Variants in CLASP1 observed in about 807,000 individuals in gnomAD.
CLASP1 encodes the protein cytoplasmic linker associated protein 1.
In CLASP1, 38 loss-of-function variants were observed where a neutral mutation model predicts 192.3. That is an observed-to-expected ratio of 0.20 (90% confidence interval 0.15 to 0.26). The LOEUF (loss-of-function observed/expected upper bound fraction) is 0.26. Ranked by LOEUF, CLASP1 falls within the 10% of genes least tolerant of loss-of-function variation. The pLI is 1.00. For synonymous variants in CLASP1, 691 were observed against 712.8 expected (o/e 0.97, Z 0.49); for missense variants, 1,433 against 1,932.5 (o/e 0.74, Z 4.85).
At chr2:121,411,360 T>C (rs925462551) in intron 23 of CLASP1, among the ~76,000 whole-genome samples, 1 of 152,258 alleles carries the variant, frequency 6.6e-6, no homozygotes, top group Non-Finnish European at 1.5e-5. Flanking sequence ...ATAAGAGTTC[T>C]AATGCAATGT....
intron 7 of CLASP1, among the ~76,000 whole-genome samples, chr2:121,508,998 G>A (rs72969359): frequency 1.4e-3 from 208 of 152,242 alleles, no homozygotes; most frequent in African/African-American, 4.7e-3. Flanking sequence ...GAAGCAAAAA[G>A]TGACAACTGA....
chr2:121,503,157 T>C lies in CLASP1; in HGVS notation c.712+10A>G. ...AAAAAGCAAAAGTAGGGATTGCTTT[T>C]TCTACTCACCATTTGCAGATTGTAT... is the stretch of plus-strand genomic sequence containing the variant. On this transcript the variant is annotated intron_variant, in intron 8 of 39. Transcript: ENST00000263710. 6.5e-7 allele frequency: 1 copy of C among 1,537,114 alleles called. No individual in the cohort carries two copies. The highest frequency in any genetic ancestry group is 1.4e-5 in the African/African-American group (1 of 72,834).
intron 8 of CLASP1, among the ~76,000 whole-genome samples, chr2:121,490,606 CAAATCT>C (rs1161800887): frequency 6.6e-6 from 1 of 152,094 alleles, no homozygotes; most frequent in Non-Finnish European, 1.5e-5. Flanking sequence ...ATTCCTAACA[CAAATCT>C]TAAAAAGAAA....
intron 2 of CLASP1, among the ~76,000 whole-genome samples, chr2:121,531,328 G>A (rs2094865425): frequency 7.2e-5 from 11 of 152,182 alleles, no homozygotes; most frequent in Admixed American, 7.2e-4. Flanking sequence ...GGGCGCGGTG[G>A]CTCACGCCTG....
At chr2:121,594,803 T>A (rs1169397000) in intron 2 of CLASP1, among the ~76,000 whole-genome samples, 1 of 152,174 alleles carries the variant, frequency 6.6e-6, no homozygotes, top group Non-Finnish European at 1.5e-5. Flanking sequence ...AAGCACTGTG[T>A]CTACTACTCT....
At chr2:121,398,989 T>C (rs2075743340) in intron 28 of CLASP1, among the ~76,000 whole-genome samples, 1 of 152,206 alleles carries the variant, frequency 6.6e-6, no homozygotes, top group African/African-American at 2.4e-5. Flanking sequence ...CTCTTTCTGT[T>C]AAAATGCTGT....
intron 2 of CLASP1, among the ~76,000 whole-genome samples, chr2:121,539,004 T>A (rs912901710): frequency 2.6e-5 from 4 of 152,200 alleles, no homozygotes; most frequent in South Asian, 2.1e-4. Context: ...TAACAATTTT[T>A]AAAATTTTTT....
intron 37 of CLASP1, among the ~76,000 whole-genome samples, chr2:121,353,919 T>C (rs1332635239): frequency 1.3e-5 from 2 of 152,088 alleles, no homozygotes; most frequent in Non-Finnish European, 2.9e-5. Flanking sequence ...GCCTCCCAAG[T>C]AGGTGGGATT....
chr2:121,377,752 T>C lies in CLASP1; in HGVS notation c.3492-103A>G, dbSNP rs903518149. The C allele has an allele frequency of 2.0e-5, 16 of 810,250 alleles. No homozygotes were observed. In the South Asian group the frequency reaches 3.8e-4, roughly 19 times the overall value. 50.2% of individuals were successfully genotyped at this position (810,250 alleles called of 1,614,324 possible). A position where few individuals can be genotyped will look rare whatever the true frequency, so the allele number is the denominator to read the frequency against. On this transcript the variant is annotated intron_variant, in intron 33 of 39. Coordinates refer to ENST00000263710, the Ensembl canonical transcript of CLASP1. ...CAATTTAAAGAATAAGACATATTTA[T>C]AGTTTTGTTTATTGGGTGATTTGGA...
chr2:121,458,689 GA>G, intron 13 of CLASP1, 150 bp downstream of exon 13: 1 of 542,538 alleles, frequency 1.8e-6, no homozygotes, highest in Non-Finnish European at 3.0e-6. Flanking sequence ...TAAGTAGGGG[GA>G]AAAGATGATA....
intron 2 of CLASP1, among the ~76,000 whole-genome samples, chr2:121,581,557 A>G (rs1215130568): frequency 1.3e-5 from 2 of 151,958 alleles, no homozygotes; most frequent in African/African-American, 4.8e-5. Flanking sequence ...TACAGGCATG[A>G]GCCACCGCGC....
intron 23 of CLASP1, among the ~76,000 whole-genome samples, chr2:121,415,559 T>C (rs1238542340): frequency 6.6e-6 from 1 of 152,224 alleles, no homozygotes; most frequent in African/African-American, 2.4e-5. Flanking sequence ...GAAATAATTA[T>C]GAAATAAAGA....
chr2:121,442,710 C>T (rs1327261541), intron 19 of CLASP1, among the ~76,000 whole-genome samples: 1 of 152,092 alleles, frequency 6.6e-6, no homozygotes, highest in African/African-American at 2.4e-5. Flanking sequence ...GAACTCCTGA[C>T]CTCAGGTGAT....
intron 2 of CLASP1, among the ~76,000 whole-genome samples, chr2:121,558,410 AT>A (rs1461060578): frequency 2.0e-5 from 3 of 152,338 alleles, no homozygotes; most frequent in African/African-American, 7.2e-5. Context: ...CACGTTATAA[AT>A]TTAATCTACA....
chr2:121,632,986 GTA>G lies in CLASP1; in HGVS notation c.-286+16384_-286+16385del, dbSNP rs1164858706. On this transcript the variant is annotated intron_variant, in intron 1 of 39. Transcript: ENST00000263710. ...GGGAGGTGTGTGTGTGTGTGTGTGT[GTA>G]TATATATGTATGTGTGTGCATATAT... Among the ~76,000 whole-genome samples, 86 of 125,118 alleles carry G rather than the reference GTA, an allele frequency of 6.9e-4. 1 individual carries two copies. Among genetic ancestry groups the G allele is most frequent in the African/African-American group, 2.3e-3 (62 of 26,524 alleles). 82.1% of individuals were successfully genotyped at this position (125,118 alleles called of 152,430 possible).
At chr2:121,377,215 A>C (rs1381549183) in intron 34 of CLASP1, among the ~76,000 whole-genome samples, 1 of 152,194 alleles carries the variant, frequency 6.6e-6, no homozygotes, top group Non-Finnish European at 1.5e-5. Flanking sequence ...AGAAGAGAGA[A>C]TTTTTCAATG....
At chr2:121,483,435 A>G (rs2150097219) in intron 8 of CLASP1, among the ~76,000 whole-genome samples, 1 of 152,184 alleles carries the variant, frequency 6.6e-6, no homozygotes, top group Non-Finnish European at 1.5e-5. Flanking sequence ...AGAGAGAGAA[A>G]GAGGGAGAAT....
rs181115564 is a variant in CLASP1, at chr2:121,574,713, C to T, written c.195+30988G>A. ...CAGCACTTTGGGAGGCCGAGGCAGG[C>T]GGATCACAAGGTCAGGAGTTCAAGA... On this transcript the variant is annotated intron_variant, in intron 2 of 39. Coordinates refer to ENST00000263710, the Ensembl canonical transcript of CLASP1. Among the ~76,000 whole-genome samples, 1,311 of 149,624 alleles carry T rather than the reference C, an allele frequency of 8.8e-3. 13 individuals carry two copies. Among genetic ancestry groups the T allele is most frequent in the African/African-American group, 0.029 (1,172 of 40,556 alleles).
intron 9 of CLASP1, among the ~76,000 whole-genome samples, chr2:121,467,926 T>C (rs777883412): frequency 2.6e-5 from 4 of 151,998 alleles, no homozygotes; most frequent in East Asian, 1.9e-4. Flanking sequence ...TTTTGAGTTA[T>C]ACATTTACGT....
Sources: allele counts gnomAD v4.1 joint callset (sites outside exome capture counted in the v4.1 genomes callset), GRCh38; gene constraint gnomAD v4.1.1; transcripts MANE v1.5; gene names NCBI Gene and HGNC (gene_info 2026-07-23, HGNC 2026-07-21).